Variants in FRMD4A observed in about 807,000 individuals in gnomAD.
FRMD4A encodes FERM domain-containing protein 4A.
A neutral mutation model predicts 129.1 loss-of-function variants in FRMD4A; 29 were observed. The observed-to-expected ratio is 0.22, with a 90% CI of 0.17 to 0.31. The LOEUF is 0.31. Among genes scored for constraint, FRMD4A ranks in the 10% least tolerant of loss-of-function variants. FRMD4A has a pLI of 1.00. For missense variants in FRMD4A, 1,272 were observed against 1,375.8 expected (o/e 0.92, Z 1.19); for synonymous variants, 634 against 571.6 (o/e 1.11, Z -1.56).
chr10:13,971,927 A>G, intron 2 of FRMD4A: 7 of 1,232,952 alleles, frequency 5.7e-6, no homozygotes, highest in Non-Finnish European at 7.3e-6. Context: ...CAGTCCAAAT[A>G]ACTCTGATTC....
intron 2 of FRMD4A, among the ~76,000 whole-genome samples, chr10:13,973,718 G>A (rs2095529792): frequency 1.4e-5 from 2 of 145,184 alleles, no homozygotes; most frequent in Non-Finnish European, 2.9e-5. Flanking sequence ...AAGGTAGGAC[G>A]ATAGGAAGAT....
At chr10:13,903,247 G>A (rs111937690) in intron 2 of FRMD4A, among the ~76,000 whole-genome samples, 38 of 152,130 alleles carry the variant, frequency 2.5e-4, no homozygotes, top group African/African-American at 7.5e-4. Context: ...TGCTCCCCCC[G>A]TTCCTAATCC....
chr10:13,955,339 C>T lies in FRMD4A; in HGVS notation c.46-96427G>A, dbSNP rs2095404087. 2.6e-5 allele frequency among the ~76,000 whole-genome samples: 4 copies of T among 152,134 alleles called. No homozygotes were observed. The South Asian group carries it at 8.3e-4, about 32-fold the overall frequency. On this transcript the variant is annotated intron_variant, in intron 2 of 24. Coordinates refer to ENST00000357447, the MANE Select transcript of FRMD4A (RefSeq NM_018027.5). ...GCCAGGCTGGTCTCGAACTCCTGAC[C>T]TAAAGTGTTCTCCCTGCCTCAGCCT...
rs2081146958 is a variant in FRMD4A at position 13,646,876 on chromosome 10, G to C, written c.*162C>G. 2 of 344,874 alleles carry C rather than the reference G, an allele frequency of 5.8e-6. No homozygotes were observed. The highest frequency in any genetic ancestry group is 4.4e-5 in the African/African-American group (2 of 45,236). 21.4% of individuals were successfully genotyped at this position (344,874 alleles called of 1,614,324 possible). A position where few individuals can be genotyped will look rare whatever the true frequency, so the allele number is the denominator to read the frequency against. ...CGGTGCGTCTGGGTAAGGCAAATGA[G>C]AGGCAGTGAGGTGATCTCAGAATGG... On this transcript the variant is annotated 3_prime_UTR_variant, in exon 25 of 25. Coordinates refer to ENST00000357447, the MANE Select transcript of FRMD4A (RefSeq NM_018027.5).
At chr10:13,884,649 C>A (rs567310819) in intron 2 of FRMD4A, among the ~76,000 whole-genome samples, 125 of 152,290 alleles carry the variant, frequency 8.2e-4, no homozygotes, top group African/African-American at 2.9e-3. Flanking sequence ...TTCCAGGACT[C>A]GCTGGAGACC....
chr10:14,090,402 G>A (rs996644396), intron 2 of FRMD4A, among the ~76,000 whole-genome samples: 7 of 152,196 alleles, frequency 4.6e-5, no homozygotes, highest in African/African-American at 1.7e-4. Flanking sequence ...GCTGTAAAAG[G>A]ACCGGGCACT....
chr10:14,099,909 C>G (rs1053129660), intron 2 of FRMD4A, among the ~76,000 whole-genome samples: 3 of 152,158 alleles, frequency 2.0e-5, no homozygotes, highest in African/African-American at 7.2e-5. Context: ...CCTAGTTTGA[C>G]CCAAGGCAAC....
chr10:14,310,259 C>A (rs1846499649), intron 2 of FRMD4A, among the ~76,000 whole-genome samples: 1 of 152,314 alleles, frequency 6.6e-6, no homozygotes, highest in African/African-American at 2.4e-5. Flanking sequence ...CTTCAACTTG[C>A]CCGCATCCTA....
intron 3 of FRMD4A, among the ~76,000 whole-genome samples, chr10:13,839,323 A>T (rs2093926815): frequency 6.6e-6 from 1 of 152,124 alleles, no homozygotes; most frequent in South Asian, 2.1e-4. Flanking sequence ...CCATTTCTAA[A>T]GGCATTTTGG....
chr10:13,920,550 T>G (rs2095059712), intron 2 of FRMD4A, among the ~76,000 whole-genome samples: 1 of 152,232 alleles, frequency 6.6e-6, no homozygotes, highest in South Asian at 2.1e-4. Context: ...ATTTGGGCAT[T>G]GTGTTTTTGC....
intron 2 of FRMD4A, among the ~76,000 whole-genome samples, chr10:14,158,767 GGAA>G: frequency 6.7e-6 from 1 of 149,928 alleles, no homozygotes; most frequent in Non-Finnish European, 1.5e-5. Context: ...AAGAGGATGA[GGAA>G]GAAGAGGAAG....
At chr10:13,683,022 C>A (rs1187372393) in intron 15 of FRMD4A, among the ~76,000 whole-genome samples, 8 of 152,064 alleles carry the variant, frequency 5.3e-5, no homozygotes. Flanking sequence ...GCATCAAAAC[C>A]TAAGAGAAGG....
intron 2 of FRMD4A, among the ~76,000 whole-genome samples, chr10:14,021,917 G>C (rs771824263): frequency 1.3e-5 from 2 of 151,994 alleles, no homozygotes; most frequent in African/African-American, 4.8e-5. Context: ...AGTACAACCT[G>C]GTAAGAAATG....
chr10:14,031,413 G>A lies in FRMD4A; in HGVS notation c.46-172501C>T, dbSNP rs189635181. Among the ~76,000 whole-genome samples the A allele has an allele frequency of 2.6e-4, 40 of 152,140 alleles. No homozygotes were observed. In the East Asian group the frequency reaches 6.6e-3, roughly 25 times the overall value. On this transcript the variant is annotated intron_variant, in intron 2 of 24. Transcript: ENST00000357447. ...CTCCTGAGTAGCTGAGAATACAGGC[G>A]CCAACCACCATGCCTGGCTAATTTT...
At chr10:13,838,793 A>G (rs1205987555) in intron 3 of FRMD4A, among the ~76,000 whole-genome samples, 1 of 151,898 alleles carries the variant, frequency 6.6e-6, no homozygotes, top group Admixed American at 6.6e-5. Flanking sequence ...GCGCCTGCCT[A>G]TGTTCTGTTT....
At chr10:14,075,055 T>C (rs181372658) in intron 2 of FRMD4A, among the ~76,000 whole-genome samples, 274 of 152,308 alleles carry the variant, frequency 1.8e-3, no homozygotes, top group African/African-American at 6.2e-3. Flanking sequence ...AAGCAAACTA[T>C]GGTAACTTGA....
At chr10:13,966,424 C>G (rs1241264178) in intron 2 of FRMD4A, among the ~76,000 whole-genome samples, 1 of 152,180 alleles carries the variant, frequency 6.6e-6, no homozygotes, top group African/African-American at 2.4e-5. Flanking sequence ...TTGCACTAAC[C>G]TAATAGAAGC....
chr10:14,272,541 G>C (rs1399188789), intron 2 of FRMD4A, among the ~76,000 whole-genome samples: 1 of 152,160 alleles, frequency 6.6e-6, no homozygotes, highest in Non-Finnish European at 1.5e-5. Flanking sequence ...CTGACATTTT[G>C]CTTCTCTAGA....
intron 2 of FRMD4A, among the ~76,000 whole-genome samples, chr10:14,118,661 T>C (rs549597682): frequency 6.6e-6 from 1 of 152,130 alleles, no homozygotes; most frequent in Non-Finnish European, 1.5e-5. Flanking sequence ...AAGAGCAAAG[T>C]CATGTCTTAC....
Sources: allele counts gnomAD v4.1 joint callset (sites outside exome capture counted in the v4.1 genomes callset), GRCh38; gene constraint gnomAD v4.1.1; transcripts MANE v1.5; gene names NCBI Gene and HGNC (gene_info 2026-07-23, HGNC 2026-07-21).